Variants in CFAP44 observed in about 807,000 individuals in gnomAD.
CFAP44 encodes cilia and flagella associated protein 44.
Under a neutral mutation model 216.2 loss-of-function variants are expected in CFAP44, and 134 were observed. That is an observed-to-expected ratio of 0.62 (90% CI 0.54 to 0.72). The LOEUF (loss-of-function observed/expected upper bound fraction) is 0.72, where lower values mean the gene tolerates loss of function less well. Ranked by LOEUF, CFAP44 falls within the 30% of genes least tolerant of loss-of-function variation. CFAP44 has a pLI of 0.00. For synonymous variants in CFAP44, 700 were observed against 727.6 expected (o/e 0.96, Z 0.61); for missense variants, 2,035 against 2,182.1 (o/e 0.93, Z 1.34).
intron 15 of CFAP44, among the ~76,000 whole-genome samples, chr3:113,391,997 A>G (rs1279837897): frequency 6.6e-6 from 1 of 152,192 alleles, no homozygotes; most frequent in Non-Finnish European, 1.5e-5. Context: ...CCTCAAAAAA[A>G]CTAAAAATGG....
At chr3:113,422,444 C>A (rs921854455) in intron 4 of CFAP44, among the ~76,000 whole-genome samples, 4 of 152,188 alleles carry the variant, frequency 2.6e-5, no homozygotes, top group Non-Finnish European at 4.4e-5. Context: ...CCACAAGCAG[C>A]CTATCTCATT....
At chr3:113,352,741 T>C (rs533085685) in intron 22 of CFAP44, among the ~76,000 whole-genome samples, 106 of 152,112 alleles carry the variant, frequency 7.0e-4, no homozygotes, top group Non-Finnish European at 1.3e-3. Context: ...GAAGAATACA[T>C]GTAAATGAAC....
At chr3:113,329,891 T>C (rs767983815) in intron 26 of CFAP44, among the ~76,000 whole-genome samples, 18 of 152,138 alleles carry the variant, frequency 1.2e-4, no homozygotes, top group Non-Finnish European at 2.2e-4. Flanking sequence ...TTCAGTTAGA[T>C]GCCAAGTAAC....
intron 6 of CFAP44, among the ~76,000 whole-genome samples, chr3:113,412,894 T>C (rs1160171882): frequency 6.6e-6 from 1 of 152,192 alleles, no homozygotes; most frequent in African/African-American, 2.4e-5. Context: ...TAACCAGTAA[T>C]GGTATTGCTG....
intron 34 of CFAP44, chr3:113,294,136 T>C (rs550810591): frequency 2.2e-6 from 1 of 446,918 alleles, no homozygotes; most frequent in South Asian, 1.6e-5. Flanking sequence ...GAATATGCTA[T>C]ACATGTGTTA....
chr3:113,310,923 A>G (rs1950031665), intron 28 of CFAP44, among the ~76,000 whole-genome samples: 2 of 152,210 alleles, frequency 1.3e-5, no homozygotes, highest in Non-Finnish European at 2.9e-5. Context: ...CCTCCCCAGA[A>G]GCAGGTGCTG....
At chr3:113,353,062 G>A (rs955988237) in intron 22 of CFAP44, among the ~76,000 whole-genome samples, 1 of 152,190 alleles carries the variant, frequency 6.6e-6, no homozygotes, top group Non-Finnish European at 1.5e-5. Flanking sequence ...GGAGGCAGAG[G>A]TGAACCCTGA....
intron 5 of CFAP44, among the ~76,000 whole-genome samples, chr3:113,419,364 C>G (rs1934744321): frequency 6.6e-6 from 1 of 152,122 alleles, no homozygotes. Context: ...TCATACAGGT[C>G]ATGAGTTCTT....
chr3:113,424,983 C>T (rs989841446), intron 4 of CFAP44, among the ~76,000 whole-genome samples: 1 of 152,092 alleles, frequency 6.6e-6, no homozygotes, highest in Admixed American at 6.5e-5. Flanking sequence ...CGGAAGGCAT[C>T]AGAGCATTGT....
intron 28 of CFAP44, among the ~76,000 whole-genome samples, chr3:113,320,949 C>G (rs141353606): frequency 1.3e-5 from 2 of 152,284 alleles, no homozygotes; most frequent in African/African-American, 4.8e-5. Context: ...AGGATCAATA[C>G]TTTGCATCCT....
intron 5 of CFAP44, among the ~76,000 whole-genome samples, chr3:113,418,456 C>T (rs1459089982): frequency 6.6e-6 from 1 of 152,138 alleles, no homozygotes; most frequent in Non-Finnish European, 1.5e-5. Flanking sequence ...TAGAGGTTCA[C>T]CCTACCTTTT....
chr3:113,323,457 G>A (rs1278307904), intron 28 of CFAP44, among the ~76,000 whole-genome samples: 1 of 152,180 alleles, frequency 6.6e-6, no homozygotes, highest in East Asian at 1.9e-4. Flanking sequence ...AGACACTGCA[G>A]ACTATTAGAG....
intron 34 of CFAP44, among the ~76,000 whole-genome samples, chr3:113,293,249 CT>C (rs1179065557): frequency 6.6e-6 from 1 of 152,184 alleles, no homozygotes; most frequent in Non-Finnish European, 1.5e-5. Flanking sequence ...TTTGAGATGG[CT>C]TTTGATATTT....
At chr3:113,419,405 T>C (rs1576602519) in intron 5 of CFAP44, among the ~76,000 whole-genome samples, 2 of 152,350 alleles carry the variant, frequency 1.3e-5, no homozygotes, top group Non-Finnish European at 2.9e-5. Flanking sequence ...ATATGTTCTG[T>C]GTAGTGTTGG....
intron 21 of CFAP44, chr3:113,361,368 A>C (rs1179789429): frequency 4.9e-6 from 1 of 204,314 alleles, no homozygotes; most frequent in Non-Finnish European, 1.1e-5. Flanking sequence ...TGCCAACTCA[A>C]CATGTCTGTA....
chr3:113,398,598 G>A (rs185980281), intron 13 of CFAP44, among the ~76,000 whole-genome samples: 2 of 152,142 alleles, frequency 1.3e-5, no homozygotes, highest in African/African-American at 4.8e-5. Context: ...GAGTGAGCTA[G>A]GTCTGCCAAT....
intron 21 of CFAP44, among the ~76,000 whole-genome samples, 186 bp from the exon 22 acceptor site, chr3:113,359,061 G>A (rs574770552): frequency 1.4e-4 from 22 of 152,112 alleles, no homozygotes; most frequent in East Asian, 5.8e-4. Flanking sequence ...AATGTTCTTC[G>A]CAATTAACAA....
chr3:113,382,745 C>T (rs1394557117), intron 15 of CFAP44, among the ~76,000 whole-genome samples: 2 of 152,072 alleles, frequency 1.3e-5, no homozygotes, highest in African/African-American at 2.4e-5. Flanking sequence ...AAAAGAGGGA[C>T]GAGGAGCAGG....
chr3:113,430,429 G>GAAAAAAAAAAAA (rs754983161), intron 2 of CFAP44, among the ~76,000 whole-genome samples: 54 of 73,956 alleles, frequency 7.3e-4, no homozygotes, highest in African/African-American at 8.8e-4. Flanking sequence ...AAAAATAAAT[G>GAAAAAAAAAAAA]AAAAAAAAAA....
Sources: gnomAD v4.1 joint callset for allele counts (sites outside exome capture counted in the v4.1 genomes callset) on GRCh38, gnomAD v4.1.1 for gene constraint, MANE v1.5 for transcripts, NCBI Gene and HGNC (gene_info 2026-07-23, HGNC 2026-07-21) for gene names.